SLC12A8: variants seen among roughly 807,000 people sequenced by gnomAD.
The protein encoded by SLC12A8 is cation-chloride cotransporter 9.
A neutral mutation model predicts 75.6 loss-of-function variants in SLC12A8; 69 were observed. The observed-to-expected ratio is 0.91, with a 90% CI of 0.75 to 1.11. The LOEUF (loss-of-function observed/expected upper bound fraction) is 1.11, where lower values mean the gene tolerates loss of function less well. Ranked by LOEUF, SLC12A8 falls within the 50% of genes most tolerant of loss-of-function variation. The probability of loss-of-function intolerance (pLI) is 0.00; values close to 1 mark genes in which losing one functional copy is unlikely to be tolerated. For missense variants in SLC12A8, 877 were observed against 896.7 expected (o/e 0.98, Z 0.28); for synonymous variants, 365 against 372.8 (o/e 0.98, Z 0.24).
chr3:125,170,788 G>C (rs550909557), intron 5 of SLC12A8, among the ~76,000 whole-genome samples: 1 of 152,154 alleles, frequency 6.6e-6, no homozygotes, highest in African/African-American at 2.4e-5. Context: ...GGTGGCGGGC[G>C]CCTGTAGTCC....
intron 5 of SLC12A8, among the ~76,000 whole-genome samples, chr3:125,161,853 G>A (rs1296307615): frequency 6.6e-6 from 1 of 152,140 alleles, no homozygotes; most frequent in East Asian, 1.9e-4. Context: ...AGTATATAAC[G>A]CCTCCCTAAG....
chr3:125,202,166 T>A (rs1436618135), intron 2 of SLC12A8, among the ~76,000 whole-genome samples: 2 of 152,234 alleles, frequency 1.3e-5, no homozygotes, highest in East Asian at 3.9e-4. Flanking sequence ...CACCTCGGCC[T>A]CCCAAAGTGC....
At chr3:125,178,019 A>T in intron 4 of SLC12A8, 45 bp from the exon 5 acceptor site, 1 of 1,494,296 alleles carries the variant, frequency 6.7e-7, no homozygotes, top group African/African-American at 1.4e-5. Context: ...ACAGAAAGCC[A>T]TGGGCCCATG....
intron 5 of SLC12A8, among the ~76,000 whole-genome samples, chr3:125,150,084 C>G (rs966525166): frequency 5.3e-5 from 8 of 152,176 alleles, no homozygotes; most frequent in Non-Finnish European, 1.0e-4. Context: ...ATTTTGCATG[C>G]AACTTCAGGG....
chr3:125,162,013 C>A (rs1934186266), intron 5 of SLC12A8, among the ~76,000 whole-genome samples: 1 of 152,238 alleles, frequency 6.6e-6, no homozygotes. Flanking sequence ...GGCCTCCACA[C>A]AGGCATTGTG....
In SLC12A8 at chr3:125,115,509, G is replaced by T. The variant is rs1438843866; in HGVS notation, c.912+3260C>A. 2.6e-5 allele frequency among the ~76,000 whole-genome samples: 4 copies of T among 151,184 alleles called. No homozygotes were observed. The East Asian group carries it at 7.7e-4, about 29-fold the overall frequency. On this transcript the variant is annotated intron_variant, in intron 8 of 13. Coordinates refer to ENST00000469902, the MANE Select transcript of SLC12A8 (RefSeq NM_024628.6). ...TTGCACTCCAGCTTGGGCAACAAGA[G>T]CAAAACTCCATCTCAAGAAAAACAA... is the stretch of plus-strand genomic sequence containing the variant.
At chr3:125,198,926 C>T (rs149688906) in intron 2 of SLC12A8, among the ~76,000 whole-genome samples, 139,590 of 151,404 alleles carry the variant, frequency 0.92, 64,657 homozygotes, top group Non-Finnish European at 0.97. Flanking sequence ...TACAGGCACC[C>T]GCCACCACGC....
At chr3:125,096,127 T>A (rs1323360765) in intron 10 of SLC12A8, among the ~76,000 whole-genome samples, 2 of 152,152 alleles carry the variant, frequency 1.3e-5, no homozygotes, top group East Asian at 3.9e-4. Flanking sequence ...GCCAGTCCAG[T>A]TCCCACCTGG....
At chr3:125,085,001 T>C (rs1412624955) in intron 13 of SLC12A8, among the ~76,000 whole-genome samples, 1 of 152,248 alleles carries the variant, frequency 6.6e-6, no homozygotes, top group Non-Finnish European at 1.5e-5. Context: ...ATGTTATTGA[T>C]CTGTGGAACT....
chr3:125,181,783 T>TA (rs1310829854), intron 4 of SLC12A8, among the ~76,000 whole-genome samples: 12 of 135,820 alleles, frequency 8.8e-5, no homozygotes, highest in Admixed American at 4.2e-4. Context: ...AGCTGATCTT[T>TA]TAAAAAAAAA....
chr3:125,172,060 G>A (rs1253110320), intron 5 of SLC12A8, among the ~76,000 whole-genome samples: 2 of 152,092 alleles, frequency 1.3e-5, no homozygotes, highest in Non-Finnish European at 2.9e-5. Context: ...GATCACCTGA[G>A]TTCAGGAGTT....
chr3:125,208,965 G>A (rs1376561741), intron 2 of SLC12A8, among the ~76,000 whole-genome samples: 2 of 152,120 alleles, frequency 1.3e-5, no homozygotes, highest in Non-Finnish European at 2.9e-5. Context: ...AGAAGAGCAG[G>A]TCAAGACTGA....
At chr3:125,197,645 G>T (rs763034294) in intron 2 of SLC12A8, among the ~76,000 whole-genome samples, 1 of 152,168 alleles carries the variant, frequency 6.6e-6, no homozygotes, top group Non-Finnish European at 1.5e-5. Context: ...TGGACCTGGA[G>T]GCTGAGGGCT....
At chr3:125,146,236 C>A (rs1248098285) in intron 5 of SLC12A8, among the ~76,000 whole-genome samples, 2 of 152,168 alleles carry the variant, frequency 1.3e-5, no homozygotes, top group Non-Finnish European at 2.9e-5. Flanking sequence ...GGAACTACTG[C>A]CTATGAAATA....
intron 5 of SLC12A8, among the ~76,000 whole-genome samples, chr3:125,145,670 G>GT (rs35653497): frequency 0.29 from 43,864 of 152,052 alleles, 6,813 homozygotes; most frequent in Middle Eastern, 0.38. Flanking sequence ...TATATACTAT[G>GT]TTTTTTCCTA....
intron 5 of SLC12A8, among the ~76,000 whole-genome samples, chr3:125,139,192 AACAAG>A (rs1933566953): frequency 6.6e-6 from 1 of 152,184 alleles, no homozygotes. Flanking sequence ...GAAAAACATA[AACAAG>A]ACAGGAAAAA....
intron 3 of SLC12A8, 80 bp from the exon 4 acceptor site, chr3:125,187,508 C>T (rs1221023626): frequency 1.0e-5 from 13 of 1,304,088 alleles, no homozygotes; most frequent in Admixed American, 2.0e-5. Context: ...TTGACCACCT[C>T]CCCTCCTCCC....
chr3:125,135,506 T>C (rs1428828577), intron 6 of SLC12A8, among the ~76,000 whole-genome samples, 163 bp downstream of exon 6: 1 of 152,066 alleles, frequency 6.6e-6, no homozygotes, highest in African/African-American at 2.4e-5. Flanking sequence ...ACAAAATACA[T>C]ACATAAACAG....
chr3:125,103,347 G>A (rs1938933512), intron 10 of SLC12A8, among the ~76,000 whole-genome samples: 2 of 151,832 alleles, frequency 1.3e-5, no homozygotes, highest in South Asian at 4.2e-4. Flanking sequence ...ACATTTGGGG[G>A]TCCTCCAGTA....
Sources: allele counts gnomAD v4.1 joint callset (sites outside exome capture counted in the v4.1 genomes callset), GRCh38; gene constraint gnomAD v4.1.1; transcripts MANE v1.5; gene names NCBI Gene and HGNC (gene_info 2026-07-23, HGNC 2026-07-21).